Variants in LRP6 observed in about 807,000 individuals in gnomAD.
The protein encoded by LRP6 is low-density lipoprotein receptor-related protein 6.
Under a neutral mutation model 184.1 loss-of-function variants are expected in LRP6, and 43 were observed. That is an observed-to-expected ratio of 0.23 (90% CI 0.18 to 0.30). The LOEUF (loss-of-function observed/expected upper bound fraction) is 0.30, where lower values mean the gene tolerates loss of function less well. LRP6 is among the 10% of genes least tolerant of loss of function. The pLI is 1.00. For synonymous variants in LRP6, 719 were observed against 684.9 expected (o/e 1.05, Z -0.78); for missense variants, 1,571 against 2,005.3 (o/e 0.78, Z 4.14).
chr12:12,133,629 T>C lies in LRP6; in HGVS notation c.3733+1546A>G, dbSNP rs551742963. 1.7e-4 allele frequency among the ~76,000 whole-genome samples: 26 copies of C among 152,242 alleles called. No homozygotes were observed. The South Asian group carries it at 5.2e-3, about 30-fold the overall frequency. On this transcript the variant is annotated intron_variant, in intron 17 of 22. Coordinates refer to ENST00000261349, the MANE Select transcript of LRP6 (RefSeq NM_002336.3). The stretch of plus-strand genomic sequence containing the variant: ...GCAAGAATGGCCTAATACACAGTTG[T>C]ATACATCTGTCAAAACTCGTTTTAA...
intron 15 of LRP6, chr12:12,138,869 G>A (rs1468788767): frequency 1.5e-6 from 2 of 1,376,236 alleles, no homozygotes; most frequent in East Asian, 4.4e-5. Flanking sequence ...GAGCAGTGGT[G>A]GTGGACCCAG....
At chr12:12,264,206 T>C (rs1865699597) in intron 1 of LRP6, among the ~76,000 whole-genome samples, 1 of 152,058 alleles carries the variant, frequency 6.6e-6, no homozygotes, top group South Asian at 2.1e-4. Context: ...CATTTGAGGA[T>C]ATGTCCCTGA....
intron 1 of LRP6, among the ~76,000 whole-genome samples, chr12:12,257,662 C>T (rs1303110093): frequency 1.4e-5 from 2 of 147,340 alleles, no homozygotes; most frequent in Non-Finnish European, 3.0e-5. Context: ...GTACTTGAGG[C>T]CAGGCATGGT....
rs570171424 is a variant in LRP6 at position 12,168,164 on chromosome 12, C to T, written c.1546-2869G>A. 2.6e-5 allele frequency among the ~76,000 whole-genome samples: 4 copies of T among 152,282 alleles called. No individual in the cohort carries two copies. In the South Asian group the frequency reaches 6.2e-4, roughly 24 times the overall value. On this transcript the variant is annotated intron_variant, in intron 7 of 22. Transcript: ENST00000261349. ...CATTAGTAAAGACATCTAGTAAATG[C>T]AAACCACCATGATAGACCTGATGAA...
intron 7 of LRP6, among the ~76,000 whole-genome samples, chr12:12,166,193 C>G (rs535309171): frequency 1.3e-5 from 2 of 152,248 alleles, no homozygotes; most frequent in Admixed American, 6.5e-5. Context: ...TTGCCCAGCA[C>G]GCAGGCCCCT....
In LRP6 at chr12:12,162,363, G is replaced by T; in HGVS notation, c.2109C>A (p.Gly703=). The T allele has an allele frequency of 6.2e-7, 1 of 1,614,130 alleles. No individual in the cohort carries two copies. The highest frequency in any genetic ancestry group is 8.5e-7 in the Non-Finnish European group (1 of 1,180,014). Residue 703 remains glycine (G), a synonymous_variant, in exon 10 of 23, where the codon GGC becomes GGA. Transcript: ENST00000261349. ...GSALEHVVEF[G]LDYPEGMAVD... is the part of the protein sequence containing the mutation. ...CTGCCATGCCTTCTGGATAATCTAA[G>T]CCGAATTCTACCACATGTTCCAGTG...
intron 15 of LRP6, 35 bp from the exon 16 acceptor site, chr12:12,138,569 AT>A (rs1365031923): frequency 6.4e-7 from 1 of 1,553,928 alleles, no homozygotes; most frequent in Non-Finnish European, 8.9e-7. Flanking sequence ...GAAATGACTC[AT>A]GTGGGTCAAG....
At chr12:12,170,828 CACACGT>C (rs912119273) in intron 7 of LRP6, among the ~76,000 whole-genome samples, 2 of 143,472 alleles carry the variant, frequency 1.4e-5, no homozygotes, top group Non-Finnish European at 3.0e-5. Flanking sequence ...CACACACACA[CACACGT>C]CTTAGATGAA....
chr12:12,136,807 G>C (rs1317006153), intron 16 of LRP6, among the ~76,000 whole-genome samples: 1 of 151,918 alleles, frequency 6.6e-6, no homozygotes, highest in Non-Finnish European at 1.5e-5. Flanking sequence ...TGACATTTTT[G>C]ATAAAAATCC....
intron 22 of LRP6, among the ~76,000 whole-genome samples, chr12:12,124,211 T>TA (rs1236993790): frequency 6.6e-6 from 1 of 152,090 alleles, no homozygotes; most frequent in Non-Finnish European, 1.5e-5. Context: ...ACGTTTCTAC[T>TA]AAAAATACAA....
intron 2 of LRP6, among the ~76,000 whole-genome samples, chr12:12,222,340 C>A (rs976082092): frequency 6.6e-6 from 1 of 151,706 alleles, no homozygotes; most frequent in African/African-American, 2.4e-5. Flanking sequence ...TCGAGGCGGG[C>A]GGATCACCTG....
At chr12:12,171,103 C>G (rs1863026284) in intron 7 of LRP6, among the ~76,000 whole-genome samples, 1 of 139,374 alleles carries the variant, frequency 7.2e-6, no homozygotes, top group Non-Finnish European at 1.5e-5. Context: ...ATGGTCGTCT[C>G]TACTCTGCTT....
chr12:12,174,116 T>A (rs1336235749), intron 7 of LRP6, among the ~76,000 whole-genome samples: 1 of 152,022 alleles, frequency 6.6e-6, no homozygotes, highest in African/African-American at 2.4e-5. Context: ...TAATCAATCT[T>A]TCTTTTTTTT....
At chr12:12,232,554 A>G (rs1864818769) in intron 2 of LRP6, among the ~76,000 whole-genome samples, 1 of 150,118 alleles carries the variant, frequency 6.7e-6, no homozygotes, top group Non-Finnish European at 1.5e-5. Flanking sequence ...ACTCGAGGAA[A>G]CATTTAACCT....
intron 2 of LRP6, among the ~76,000 whole-genome samples, chr12:12,204,466 T>C (rs1863998948): frequency 6.6e-6 from 1 of 152,202 alleles, no homozygotes; most frequent in East Asian, 1.9e-4. Context: ...ACTGTACTAA[T>C]GTTAATTTCC....
intron 2 of LRP6, among the ~76,000 whole-genome samples, chr12:12,228,239 T>C (rs547690526): frequency 6.6e-6 from 1 of 152,202 alleles, no homozygotes; most frequent in South Asian, 2.1e-4. Flanking sequence ...GATGCACGCC[T>C]GTAGTCCCAG....
intron 3 of LRP6, among the ~76,000 whole-genome samples, chr12:12,200,884 A>G (rs1379964481): frequency 2.0e-5 from 3 of 152,176 alleles, no homozygotes; most frequent in African/African-American, 4.8e-5. Flanking sequence ...ATTTTATAAT[A>G]GAGATTTGAT....
At chr12:12,159,246 G>T in intron 11 of LRP6, 91 bp from the exon 12 acceptor site, 1 of 893,910 alleles carries the variant, frequency 1.1e-6, no homozygotes, top group Middle Eastern at 3.0e-4. Flanking sequence ...AAAAAAAAAA[G>T]CCCTAACATA....
chr12:12,238,701 T>C (rs1864983635), intron 2 of LRP6, among the ~76,000 whole-genome samples: 1 of 152,090 alleles, frequency 6.6e-6, no homozygotes, highest in East Asian at 1.9e-4. Context: ...AATACATTTT[T>C]AGACAAAGAC....
Sources: gnomAD v4.1 joint callset for allele counts (sites outside exome capture counted in the v4.1 genomes callset) on GRCh38, gnomAD v4.1.1 for gene constraint, MANE v1.5 for transcripts, NCBI Gene and HGNC (gene_info 2026-07-23, HGNC 2026-07-21) for gene names.